Variants in JAM3 observed in about 807,000 individuals in gnomAD.
JAM3 encodes the protein junctional adhesion molecule 3.
JAM3 carries 31 observed loss-of-function variants against 39.4 expected under a neutral mutation model. That is an observed-to-expected ratio of 0.79 (90% confidence interval 0.59 to 1.06). JAM3 has a LOEUF of 1.06. Ranked by LOEUF, JAM3 falls within the 50% of genes least tolerant of loss-of-function variation. The pLI is 0.00. For synonymous variants in JAM3, 182 were observed against 148.7 expected (o/e 1.22, Z -1.63); for missense variants, 455 against 391.4 (o/e 1.16, Z -1.37).
chr11:134,141,782 G>T (rs1431572347), intron 3 of JAM3, among the ~76,000 whole-genome samples: 3 of 152,134 alleles, frequency 2.0e-5, no homozygotes, highest in Admixed American at 6.5e-5. Flanking sequence ...AGGCAGGCAG[G>T]TGGCTGGAGA....
chr11:134,143,775 A>G (rs1943017829), intron 3 of JAM3, among the ~76,000 whole-genome samples: 1 of 152,216 alleles, frequency 6.6e-6, no homozygotes, highest in Admixed American at 6.5e-5. Flanking sequence ...ATTTATGCTT[A>G]TGCATTTTTC....
intron 1 of JAM3, among the ~76,000 whole-genome samples, chr11:134,073,811 A>T (rs618378): frequency 0.38 from 57,836 of 152,024 alleles, 11,735 homozygotes; most frequent in African/African-American, 0.53. Context: ...TCTAGTAAAT[A>T]TTCAGTTTAT....
chr11:134,126,190 T>C (rs944299070), intron 1 of JAM3: 4 of 152,224 alleles, frequency 2.6e-5, no homozygotes, highest in Non-Finnish European at 4.4e-5. Flanking sequence ...CTAGTAATAC[T>C]TGAGCCTAGA....
intron 1 of JAM3, 29 bp downstream of exon 1, chr11:134,069,188 G>T (rs1426515422): frequency 6.2e-7 from 1 of 1,609,952 alleles, no homozygotes; most frequent in Admixed American, 1.7e-5. Flanking sequence ...GCTGTTGGGA[G>T]ACTAGGGTCT....
At chr11:134,074,758 C>A (rs1012467713) in intron 1 of JAM3, among the ~76,000 whole-genome samples, 5 of 152,162 alleles carry the variant, frequency 3.3e-5, no homozygotes, top group African/African-American at 1.2e-4. Flanking sequence ...TCTCTGTTTT[C>A]TTCCTCTTGA....
chr11:134,142,600 T>C (rs149985776), intron 3 of JAM3, among the ~76,000 whole-genome samples: 1 of 152,334 alleles, frequency 6.6e-6, no homozygotes, highest in African/African-American at 2.4e-5. Context: ...AAAGTGTTAT[T>C]ATGTCTTATG....
intron 4 of JAM3, 152 bp from the exon 5 acceptor site, chr11:134,144,640 G>A (rs1164440333): frequency 2.4e-6 from 2 of 833,724 alleles, no homozygotes. Context: ...TGCAGCGGTG[G>A]CTTGTCAGTC....
intron 1 of JAM3, among the ~76,000 whole-genome samples, chr11:134,103,343 A>G (rs1457406182): frequency 1.3e-5 from 2 of 152,218 alleles, no homozygotes; most frequent in Admixed American, 6.5e-5. Flanking sequence ...GGCCTGCCCT[A>G]CAAGAGCTCC....
chr11:134,119,595 C>T (rs553879456), intron 1 of JAM3, among the ~76,000 whole-genome samples: 76 of 152,238 alleles, frequency 5.0e-4, no homozygotes, highest in African/African-American at 1.7e-3. Flanking sequence ...AGGCTGGAGA[C>T]CCAGGAGAGT....
chr11:134,147,598 T>C (rs968534348), intron 6 of JAM3, among the ~76,000 whole-genome samples: 15 of 151,782 alleles, frequency 9.9e-5, no homozygotes, highest in Non-Finnish European at 1.5e-4. Context: ...ACCTTTCTCC[T>C]GCCTCAGCCT....
chr11:134,077,149 T>G (rs538662419), intron 1 of JAM3, among the ~76,000 whole-genome samples: 4 of 152,208 alleles, frequency 2.6e-5, no homozygotes, highest in South Asian at 2.1e-4. Context: ...TTTTGATTAT[T>G]TAATAGCCAT....
chr11:134,134,790 A>G (rs1293795814), intron 1 of JAM3, among the ~76,000 whole-genome samples: 1 of 152,152 alleles, frequency 6.6e-6, no homozygotes. Context: ...TTCATGGTAT[A>G]TCTTCTTTGG....
Position 134,104,616 on chromosome 11 carries a change from A to ACC in JAM3, c.77-35234_77-35233insCC, listed in dbSNP as rs1942145179. On this transcript the variant is annotated intron_variant, in intron 1 of 8. Transcript: ENST00000299106. ...ACAAAATTGATAGACCGCTAGCAAGACTAATAAGAAAAGAGAGAAGAATCA... is the reference window on the plus strand; with the variant it reads ...ACAAAATTGATAGACCGCTAGCAAGACCCTAATAAGAAAAGAGAGAAGAATCA... Among the ~76,000 whole-genome samples the ACC allele has an allele frequency of 2.6e-5, 4 of 152,284 alleles. No individual in the cohort carries two copies. In the South Asian group the frequency reaches 8.3e-4, roughly 32 times the overall value.
chr11:134,145,913 G>T lies in JAM3; in HGVS notation c.613-33G>T, dbSNP rs1204637405. The T allele has an allele frequency of 2.7e-6, 4 of 1,471,204 alleles. No individual in the cohort carries two copies. In the South Asian group the frequency reaches 4.5e-5, roughly 17 times the overall value. The allele number at this position is 1,471,204 out of a possible 1,614,324, so 91.1% of individuals were successfully genotyped here. ...CTCTCAGAAATCGGCCCCATGATGGGTCCGATTATTTACTTGTCATTCCCT... is the reference window on the plus strand; with the variant it reads ...CTCTCAGAAATCGGCCCCATGATGGTTCCGATTATTTACTTGTCATTCCCT... On this transcript the variant is annotated intron_variant, in intron 5 of 8. Coordinates refer to ENST00000299106, the MANE Select transcript of JAM3 (RefSeq NM_032801.5).
chr11:134,092,891 G>C (rs575655524), intron 1 of JAM3, among the ~76,000 whole-genome samples: 3 of 145,938 alleles, frequency 2.1e-5, no homozygotes, highest in African/African-American at 7.7e-5. Context: ...AGCTTCTCCT[G>C]AACCCTCCTT....
chr11:134,118,346 G>T lies in JAM3; in HGVS notation c.77-21505G>T, dbSNP rs546675807. 2.0e-5 allele frequency among the ~76,000 whole-genome samples: 3 copies of T among 152,260 alleles called. No homozygotes were observed. The East Asian group carries it at 5.8e-4, about 29-fold the overall frequency. ...AGTGCCAGGCTCATGCAAAGATGGTGACCCTCCCTCCACCCATCATTTTTA... is the reference window on the plus strand; with the variant it reads ...AGTGCCAGGCTCATGCAAAGATGGTTACCCTCCCTCCACCCATCATTTTTA... On this transcript the variant is annotated intron_variant, in intron 1 of 8. Transcript: ENST00000299106.
intron 4 of JAM3, 55 bp downstream of exon 4, chr11:134,144,448 T>C (rs1239891843): frequency 2.5e-6 from 4 of 1,598,832 alleles, no homozygotes; most frequent in East Asian, 4.5e-5. Context: ...AGAGATCAGT[T>C]AGTGTCTTGG....
At chr11:134,130,107 C>T (rs1311741576) in intron 1 of JAM3, among the ~76,000 whole-genome samples, 3 of 152,136 alleles carry the variant, frequency 2.0e-5, no homozygotes, top group African/African-American at 7.2e-5. Flanking sequence ...CGAGTAGTTA[C>T]CTCTGTCCTG....
intron 1 of JAM3, among the ~76,000 whole-genome samples, chr11:134,116,631 A>G (rs189845463): frequency 2.6e-5 from 4 of 151,998 alleles, no homozygotes; most frequent in Admixed American, 2.6e-4. Context: ...CTGTCCTAGA[A>G]TCAGCCATTT....
Sources: gnomAD v4.1 joint callset for allele counts (sites outside exome capture counted in the v4.1 genomes callset) on GRCh38, gnomAD v4.1.1 for gene constraint, MANE v1.5 for transcripts, NCBI Gene and HGNC (gene_info 2026-07-23, HGNC 2026-07-21) for gene names.